The following SDK2 variants were observed in gnomAD, a reference collection of about 807,000 sequenced individuals.
SDK2 encodes sidekick cell adhesion molecule 2, also known as protein sidekick-2.
A neutral mutation model predicts 253.9 loss-of-function variants in SDK2; 105 were observed. The ratio of observed to expected loss-of-function variants is 0.41; its 90% CI spans 0.35 to 0.49. The LOEUF is 0.49. SDK2 is among the 20% of genes least tolerant of loss of function. SDK2 has a pLI of 0.06. For missense variants in SDK2, 2,608 were observed against 3,003.0 expected (o/e 0.87, Z 3.07); for synonymous variants, 1,249 against 1,234.9 (o/e 1.01, Z -0.24).
intron 4 of SDK2, among the ~76,000 whole-genome samples, chr17:73,451,118 A>G (rs1435403684): frequency 6.6e-6 from 1 of 152,228 alleles, no homozygotes; most frequent in Non-Finnish European, 1.5e-5. Context: ...CTCCTGCGCG[A>G]TCCTCATGTC....
intron 12 of SDK2, among the ~76,000 whole-genome samples, chr17:73,429,849 C>T (rs183904357): frequency 1.9e-4 from 29 of 152,222 alleles, no homozygotes; most frequent in Admixed American, 7.9e-4. Flanking sequence ...GGAGGGGTCC[C>T]GGCTTTTATA....
intron 4 of SDK2, among the ~76,000 whole-genome samples, chr17:73,451,760 T>C (rs2063491440): frequency 1.3e-5 from 2 of 152,180 alleles, no homozygotes; most frequent in African/African-American, 4.8e-5. Context: ...CTCTCCAGAA[T>C]GTCCATCTCG....
chr17:73,640,249 G>A (rs560008037), intron 1 of SDK2, among the ~76,000 whole-genome samples: 7 of 151,974 alleles, frequency 4.6e-5, no homozygotes, highest in Middle Eastern at 3.4e-3. Flanking sequence ...TGCATGAAGC[G>A]GGGGTGGGGT....
intron 36 of SDK2, among the ~76,000 whole-genome samples, chr17:73,374,037 G>A (rs906184240): frequency 2.1e-5 from 3 of 144,936 alleles, no homozygotes; most frequent in Non-Finnish European, 4.4e-5. Flanking sequence ...CTAACCCCTG[G>A]TCATATGTAT....
chr17:73,634,224 A>G (rs2046303742), intron 1 of SDK2, among the ~76,000 whole-genome samples: 1 of 152,150 alleles, frequency 6.6e-6, no homozygotes, highest in Non-Finnish European at 1.5e-5. Flanking sequence ...TGGTCAAATG[A>G]GCCTACCCTG....
intron 17 of SDK2, 108 bp from the exon 18 acceptor site, chr17:73,414,867 C>T (rs2063167667): frequency 4.5e-6 from 3 of 660,190 alleles, no homozygotes; most frequent in African/African-American, 1.8e-5. Context: ...CTGCCTTGCA[C>T]CCCCCTACCC....
At chr17:73,476,460 C>T (rs1260940484) in intron 2 of SDK2, among the ~76,000 whole-genome samples, 2 of 152,042 alleles carry the variant, frequency 1.3e-5, no homozygotes, top group East Asian at 1.9e-4. Flanking sequence ...GCATATATTG[C>T]TTTTATTTTA....
intron 41 of SDK2, 119 bp from the exon 42 acceptor site, chr17:73,350,909 C>G: frequency 9.7e-7 from 1 of 1,030,148 alleles, no homozygotes; most frequent in Non-Finnish European, 1.4e-6. Flanking sequence ...TCTGTACCCT[C>G]CGAATGAGGC....
intron 1 of SDK2, among the ~76,000 whole-genome samples, chr17:73,554,657 C>T (rs1340514763): frequency 6.6e-6 from 1 of 152,200 alleles, no homozygotes; most frequent in East Asian, 1.9e-4. Context: ...GTATTTGTTA[C>T]AGCAACTGTA....
intron 2 of SDK2, among the ~76,000 whole-genome samples, chr17:73,480,098 T>G (rs2063712061): frequency 6.6e-6 from 1 of 152,208 alleles, no homozygotes; most frequent in Non-Finnish European, 1.5e-5. Flanking sequence ...ACTCATCTGA[T>G]CCTCACAGTA....
intron 5 of SDK2, among the ~76,000 whole-genome samples, chr17:73,446,957 C>A (rs187625534): frequency 6.6e-6 from 1 of 152,314 alleles, no homozygotes; most frequent in East Asian, 1.9e-4. Flanking sequence ...AAACTGGCTT[C>A]AGTCTCGGCT....
intron 1 of SDK2, among the ~76,000 whole-genome samples, chr17:73,613,323 C>T (rs572033026): frequency 1.6e-4 from 24 of 152,198 alleles, no homozygotes; most frequent in Admixed American, 7.2e-4. Context: ...CAATGAGCAG[C>T]CGGCTCACCT....
intron 5 of SDK2, among the ~76,000 whole-genome samples, chr17:73,442,799 C>T (rs1455407749): frequency 1.3e-5 from 2 of 151,466 alleles, no homozygotes; most frequent in Non-Finnish European, 2.9e-5. Context: ...ACAAGAACTT[C>T]CTGTAAGTGG....
intron 14 of SDK2, 100 bp downstream of exon 14, chr17:73,423,286 C>T (rs974021589): frequency 6.6e-5 from 78 of 1,174,604 alleles, no homozygotes; most frequent in Non-Finnish European, 8.3e-5. Context: ...TGCTCAAAGG[C>T]CCAGAACTAG....
chr17:73,499,247 C>A (rs1183604874), intron 2 of SDK2, among the ~76,000 whole-genome samples: 1 of 152,260 alleles, frequency 6.6e-6, no homozygotes, highest in Non-Finnish European at 1.5e-5. Flanking sequence ...GCCAGTGGCT[C>A]CGCGTGCGTC....
At chr17:73,516,828 T>A (rs1371662091) in intron 1 of SDK2, 1 of 152,258 alleles carries the variant, frequency 6.6e-6, no homozygotes, top group Non-Finnish European at 1.5e-5. Context: ...TTGAAAAGCA[T>A]CTAATGGAAC....
At chr17:73,623,563 C>T (rs2046160925) in intron 1 of SDK2, among the ~76,000 whole-genome samples, 1 of 152,150 alleles carries the variant, frequency 6.6e-6, no homozygotes, top group East Asian at 1.9e-4. Flanking sequence ...AAGATGGTAC[C>T]CTAACCGAGT....
At chr17:73,382,082 A>G (rs565517382) in intron 33 of SDK2, among the ~76,000 whole-genome samples, 1 of 151,860 alleles carries the variant, frequency 6.6e-6, no homozygotes, top group African/African-American at 2.4e-5. Context: ...TGGGCGTGGT[A>G]GTGTGCGCCG....
intron 1 of SDK2, among the ~76,000 whole-genome samples, chr17:73,532,594 C>G (rs114060350): frequency 4.6e-5 from 7 of 152,226 alleles, no homozygotes; most frequent in Non-Finnish European, 1.0e-4. Flanking sequence ...GCTGTGATGA[C>G]GTTGCCAGAC....
Sources: allele counts gnomAD v4.1 joint callset (sites outside exome capture counted in the v4.1 genomes callset), GRCh38; gene constraint gnomAD v4.1.1; transcripts MANE v1.5; gene names NCBI Gene and HGNC (gene_info 2026-07-23, HGNC 2026-07-21).